The following ADAMTSL1 variants were observed in gnomAD, a reference collection of about 807,000 sequenced individuals.
ADAMTSL1 encodes the protein ADAMTS like 1.
Under a neutral mutation model 201.8 loss-of-function variants are expected in ADAMTSL1, and 126 were observed. The observed-to-expected ratio is 0.62, with a 90% CI of 0.54 to 0.72. ADAMTSL1 has a LOEUF of 0.72. Ranked by LOEUF, ADAMTSL1 falls within the 30% of genes least tolerant of loss-of-function variation. ADAMTSL1 has a pLI of 0.00. For synonymous variants in ADAMTSL1, 1,121 were observed against 903.4 expected, an observed-to-expected ratio of 1.24 and a Z score of -4.32; for missense variants, 2,679 against 2,277.8, an observed-to-expected ratio of 1.18 and a Z score of -3.59.
At chr9:18,278,373 G>C in intron 2 of ADAMTSL1, among the ~76,000 whole-genome samples, 1 of 152,126 alleles carries the variant, frequency 6.6e-6, no homozygotes, top group East Asian at 1.9e-4. Context: ...TGTTTGTCTA[G>C]GAAAGTCTTC....
At chr9:18,778,052 C>G (rs1050482169) in intron 19 of ADAMTSL1, 146 bp downstream of exon 19, 1 of 921,228 alleles carries the variant, frequency 1.1e-6, no homozygotes, top group African/African-American at 1.7e-5. Flanking sequence ...TGCAGGCCCT[C>G]TCTTAGCACT....
At chr9:18,033,824 C>G (rs1435698578) in intron 1 of ADAMTSL1, among the ~76,000 whole-genome samples, 1 of 152,230 alleles carries the variant, frequency 6.6e-6, no homozygotes, top group African/African-American at 2.4e-5. Flanking sequence ...GGAGACCCCT[C>G]TCTTATACAT....
Position 18,400,442 on chromosome 9 carries a change from C to T in ADAMTSL1, c.208-104387C>T, listed in dbSNP as rs113397386. Among the ~76,000 whole-genome samples the T allele has an allele frequency of 2.6e-5, 4 of 152,112 alleles. No individual in the cohort carries two copies. In the East Asian group the frequency reaches 7.7e-4, roughly 29 times the overall value. On this transcript the variant is annotated intron_variant, in intron 2 of 29. Transcript: ENST00000680146. The stretch of plus-strand genomic sequence containing the variant: ...ATAAATTTTGGGGATCATTATCAAA[C>T]TTGGAAGGCCTTTACTATGTTTCGT...
intron 1 of ADAMTSL1, among the ~76,000 whole-genome samples, chr9:18,500,272 T>C (rs1451441093): frequency 6.6e-6 from 1 of 152,254 alleles, no homozygotes; most frequent in Non-Finnish European, 1.5e-5. Flanking sequence ...CACGTTTAGA[T>C]AAGCCAGTAA....
chr9:18,188,912 C>T lies in ADAMTSL1; in HGVS notation c.207+24931C>T, dbSNP rs138176797. Among the ~76,000 whole-genome samples, 9 of 152,254 alleles carry T rather than the reference C, an allele frequency of 5.9e-5. No individual in the cohort carries two copies. The East Asian group carries it at 1.7e-3, about 29-fold the overall frequency. On this transcript the variant is annotated intron_variant, in intron 2 of 29. Transcript: ENST00000680146. ...TACAAGAGTGTGAAGCAGAAAGGATCTCCATTCAACTAGTGAGGAAACTGA... is the reference window on the plus strand; with the variant it reads ...TACAAGAGTGTGAAGCAGAAAGGATTTCCATTCAACTAGTGAGGAAACTGA...
intron 1 of ADAMTSL1, among the ~76,000 whole-genome samples, chr9:18,078,909 G>C (rs954926259): frequency 6.6e-6 from 1 of 152,148 alleles, no homozygotes. Context: ...TTTGCTCTTA[G>C]GAATTACGGA....
At chr9:18,451,568 G>C (rs1820406492) in intron 2 of ADAMTSL1, among the ~76,000 whole-genome samples, 1 of 152,174 alleles carries the variant, frequency 6.6e-6, no homozygotes, top group South Asian at 2.1e-4. Context: ...TACTCAACCA[G>C]CTCTTGTGTA....
intron 2 of ADAMTSL1, among the ~76,000 whole-genome samples, chr9:18,279,698 A>C (rs1832712350): frequency 6.6e-6 from 1 of 152,058 alleles, no homozygotes; most frequent in Non-Finnish European, 1.5e-5. Flanking sequence ...TGTTTGAACT[A>C]TGCAGTTCCA....
At chr9:18,244,119 G>A (rs1831171664) in intron 2 of ADAMTSL1, among the ~76,000 whole-genome samples, 2 of 151,762 alleles carry the variant, frequency 1.3e-5, no homozygotes, top group South Asian at 2.1e-4. Flanking sequence ...GTACGTGTGT[G>A]TGTGTGTGTG....
intron 10 of ADAMTSL1, among the ~76,000 whole-genome samples, chr9:18,676,164 G>A (rs1830118479): frequency 6.6e-6 from 1 of 152,008 alleles, no homozygotes. Flanking sequence ...ACTCTGATTA[G>A]ATACAGTTTA....
intron 2 of ADAMTSL1, among the ~76,000 whole-genome samples, chr9:18,232,909 C>A (rs1185801682): frequency 6.6e-6 from 1 of 152,152 alleles, no homozygotes; most frequent in Non-Finnish European, 1.5e-5. Context: ...GGATTTTTAT[C>A]TTTTCTGAAG....
intron 1 of ADAMTSL1, among the ~76,000 whole-genome samples, chr9:17,946,113 C>G (rs1469159579): frequency 7.3e-6 from 1 of 136,848 alleles, no homozygotes; most frequent in Non-Finnish European, 1.5e-5. Context: ...TGTGTGTGTA[C>G]AAACAGAATT....
At chr9:18,259,458 G>A (rs977734373) in intron 2 of ADAMTSL1, among the ~76,000 whole-genome samples, 45 of 150,910 alleles carry the variant, frequency 3.0e-4, no homozygotes, top group African/African-American at 1.0e-3. Context: ...GTTGCAGTAA[G>A]CTAATATCCT....
intron 1 of ADAMTSL1, among the ~76,000 whole-genome samples, chr9:18,479,886 C>T (rs1045941863): frequency 4.6e-5 from 7 of 152,350 alleles, no homozygotes; most frequent in African/African-American, 1.7e-4. Context: ...TTCACTATTT[C>T]TGGTTTTGGT....
chr9:18,507,257 A>G (rs1341480812), intron 2 of ADAMTSL1, among the ~76,000 whole-genome samples: 1 of 152,208 alleles, frequency 6.6e-6, no homozygotes, highest in Admixed American at 6.5e-5. Flanking sequence ...GCAGCTCATG[A>G]TATGACCACA....
intron 1 of ADAMTSL1, among the ~76,000 whole-genome samples, chr9:18,049,009 T>C (rs1821799077): frequency 6.6e-6 from 1 of 152,176 alleles, no homozygotes; most frequent in Admixed American, 6.5e-5. Context: ...CTTCCGGCAG[T>C]TGCTGTCATT....
chr9:18,856,066 G>C (rs1365028761), intron 23 of ADAMTSL1, among the ~76,000 whole-genome samples: 1 of 152,124 alleles, frequency 6.6e-6, no homozygotes, highest in Non-Finnish European at 1.5e-5. Flanking sequence ...TTACTGAAAG[G>C]CATGTTCAGA....
chr9:18,311,218 A>G (rs192275686), intron 2 of ADAMTSL1, among the ~76,000 whole-genome samples: 1 of 152,074 alleles, frequency 6.6e-6, no homozygotes, highest in East Asian at 1.9e-4. Context: ...GTGGGGGGCT[A>G]GGGTAGTAAT....
At chr9:18,284,450 G>A (rs1832919859) in intron 2 of ADAMTSL1, among the ~76,000 whole-genome samples, 1 of 152,034 alleles carries the variant, frequency 6.6e-6, no homozygotes, top group South Asian at 2.1e-4. Context: ...TTTTGATGAT[G>A]TGATATTTCA....
Sources: allele counts gnomAD v4.1 joint callset (sites outside exome capture counted in the v4.1 genomes callset), GRCh38; gene constraint gnomAD v4.1.1; transcripts MANE v1.5; gene names NCBI Gene and HGNC (gene_info 2026-07-23, HGNC 2026-07-21).